The following SLC35D4 variants were observed in gnomAD, a reference collection of about 807,000 sequenced individuals.
SLC35D4 encodes the protein UDP-N-acetylglucosamine transporter SLC35D4.
chr18:23,293,298 T>A, the SLC35D4 span, among the ~76,000 whole-genome samples: 1 of 152,150 alleles, frequency 6.6e-6, no homozygotes, highest in Non-Finnish European at 1.5e-5. Flanking sequence ...AACAGACATA[T>A]CATGGGAGCC....
the SLC35D4 span, chr18:23,385,116 T>TA: frequency 1.3e-6 from 2 of 1,547,530 alleles, no homozygotes; most frequent in Non-Finnish European, 1.8e-6. Context: ...TTCGATCTCA[T>TA]AATCATATGG....
chr18:23,256,130 T>C, the SLC35D4 span, among the ~76,000 whole-genome samples: 1 of 152,336 alleles, frequency 6.6e-6, no homozygotes, highest in Middle Eastern at 3.4e-3. Flanking sequence ...AGTTATGATC[T>C]GAAAGCAGTC....
chr18:23,361,031 G>C, the SLC35D4 span, among the ~76,000 whole-genome samples: 5 of 141,036 alleles, frequency 3.5e-5, no homozygotes, highest in African/African-American at 1.3e-4. Context: ...GAACCCAGGA[G>C]GCAGAGGTTG....
the SLC35D4 span, among the ~76,000 whole-genome samples, chr18:23,360,635 G>A: frequency 6.6e-6 from 1 of 152,166 alleles, no homozygotes; most frequent in African/African-American, 2.4e-5. Flanking sequence ...TGACTAGGAA[G>A]CTTTCTGCAG....
chr18:23,433,076 T>A, the SLC35D4 span, among the ~76,000 whole-genome samples: 3 of 152,044 alleles, frequency 2.0e-5, no homozygotes, highest in African/African-American at 7.2e-5. Flanking sequence ...CTTTTTTTTT[T>A]TTGAGATGGA....
At chr18:23,429,625 C>T in the SLC35D4 span, among the ~76,000 whole-genome samples, 2 of 152,208 alleles carry the variant, frequency 1.3e-5, no homozygotes, top group Non-Finnish European at 1.5e-5. Context: ...ATCCTCCCAC[C>T]TTGGCCTCCC....
chr18:23,256,836 A>C, the SLC35D4 span, among the ~76,000 whole-genome samples: 1 of 152,184 alleles, frequency 6.6e-6, no homozygotes, highest in Non-Finnish European at 1.5e-5. Flanking sequence ...CCACAGGTAG[A>C]GTTTGAGTCC....
chr18:23,240,891 T>C, the SLC35D4 span, among the ~76,000 whole-genome samples: 2 of 152,188 alleles, frequency 1.3e-5, no homozygotes, highest in Non-Finnish European at 2.9e-5. Context: ...ACCCATCAAA[T>C]CCTGCTGCAG....
the SLC35D4 span, among the ~76,000 whole-genome samples, chr18:23,254,910 G>A: frequency 2.6e-5 from 4 of 152,222 alleles, no homozygotes; most frequent in South Asian, 8.3e-4. Flanking sequence ...CAAGGGGCAT[G>A]CCATGCTGTG....
the SLC35D4 span, among the ~76,000 whole-genome samples, chr18:23,251,709 G>T: frequency 1.3e-5 from 2 of 152,158 alleles, no homozygotes; most frequent in Non-Finnish European, 2.9e-5. Flanking sequence ...AGACTTACTG[G>T]TTACCATTAT....
the SLC35D4 span, among the ~76,000 whole-genome samples, chr18:23,267,127 C>T: frequency 6.6e-6 from 1 of 152,224 alleles, no homozygotes; most frequent in African/African-American, 2.4e-5. Flanking sequence ...AAACCAGAGC[C>T]TGGCTGAAAA....
chr18:23,358,421 AG>A, the SLC35D4 span, among the ~76,000 whole-genome samples: 1 of 151,438 alleles, frequency 6.6e-6, no homozygotes, highest in African/African-American at 2.4e-5. Flanking sequence ...GTGTGGTCAG[AG>A]GAAGACTAGG....
the SLC35D4 span, among the ~76,000 whole-genome samples, chr18:23,393,994 T>C: frequency 6.6e-6 from 1 of 152,264 alleles, no homozygotes; most frequent in Non-Finnish European, 1.5e-5. Context: ...TTTTGTCTAT[T>C]GTGAATAATA....
chr18:23,307,439 T>C, the SLC35D4 span, among the ~76,000 whole-genome samples: 1 of 152,214 alleles, frequency 6.6e-6, no homozygotes, highest in Non-Finnish European at 1.5e-5. Flanking sequence ...GTAATCAGAA[T>C]AGATAACATT....
At chr18:23,393,115 C>T in the SLC35D4 span, among the ~76,000 whole-genome samples, 5 of 152,134 alleles carry the variant, frequency 3.3e-5, no homozygotes, top group South Asian at 6.2e-4. Flanking sequence ...CGGGGTTTCA[C>T]CATGTTGGCC....
the SLC35D4 span, among the ~76,000 whole-genome samples, chr18:23,355,471 C>A: frequency 6.6e-6 from 1 of 152,166 alleles, no homozygotes; most frequent in African/African-American, 2.4e-5. Context: ...AGCTAACGGG[C>A]AAGGCCTAAC....
chr18:23,308,756 G>A, the SLC35D4 span, among the ~76,000 whole-genome samples: 5 of 152,248 alleles, frequency 3.3e-5, no homozygotes, highest in South Asian at 2.1e-4. Context: ...ATGCAAATGG[G>A]TAGTGCATTC....
At chr18:23,362,722 G>C in the SLC35D4 span, among the ~76,000 whole-genome samples, 1 of 152,202 alleles carries the variant, frequency 6.6e-6, no homozygotes, top group Non-Finnish European at 1.5e-5. Flanking sequence ...CCTAACCCCA[G>C]TCTCCCTCTG....
At chr18:23,370,390 C>T in the SLC35D4 span, 14 of 803,498 alleles carry the variant, frequency 1.7e-5, no homozygotes, top group Middle Eastern at 4.7e-4. Flanking sequence ...CTTTTCCCTA[C>T]GAGTGTCACA....
Sources: allele counts gnomAD v4.1 joint callset (sites outside exome capture counted in the v4.1 genomes callset), GRCh38; gene constraint gnomAD v4.1.1; transcripts MANE v1.5; gene names NCBI Gene and HGNC (gene_info 2026-07-23, HGNC 2026-07-21).